The following GSG1L variants were observed in gnomAD, a reference collection of about 807,000 sequenced individuals.
The protein encoded by GSG1L is germ cell-specific gene 1-like protein.
A neutral mutation model predicts 42.1 loss-of-function variants in GSG1L; 24 were observed. The observed-to-expected ratio is 0.57, with a 90% CI of 0.41 to 0.80. The LOEUF (loss-of-function observed/expected upper bound fraction) is 0.80, where lower values mean the gene tolerates loss of function less well. Ranked by LOEUF, GSG1L falls within the 30% of genes least tolerant of loss-of-function variation. The pLI is 0.00. For missense variants in GSG1L, 445 were observed against 472.2 expected, an observed-to-expected ratio of 0.94 and a Z score of 0.53; for synonymous variants, 215 against 203.5, an observed-to-expected ratio of 1.06 and a Z score of -0.48.
intron 3 of GSG1L, among the ~76,000 whole-genome samples, chr16:27,846,268 A>G (rs1474862163): frequency 1.3e-5 from 2 of 152,100 alleles, no homozygotes; most frequent in Non-Finnish European, 2.9e-5. Flanking sequence ...TCTCCTCTTT[A>G]TTACTGCCCA....
chr16:28,007,468 ATGTG>A (rs957498216), intron 1 of GSG1L, among the ~76,000 whole-genome samples: 2 of 147,262 alleles, frequency 1.4e-5, no homozygotes, highest in African/African-American at 2.6e-5. Context: ...ATAAATGTGC[ATGTG>A]TGTGTGGTTG....
chr16:28,008,293 T>C (rs191467535), intron 1 of GSG1L, among the ~76,000 whole-genome samples: 1 of 152,350 alleles, frequency 6.6e-6, no homozygotes, highest in African/African-American at 2.4e-5. Flanking sequence ...TTGGCCAGGC[T>C]GGTCTCGAAT....
At chr16:27,889,233 T>C (rs1235755398) in intron 2 of GSG1L, among the ~76,000 whole-genome samples, 1 of 152,058 alleles carries the variant, frequency 6.6e-6, no homozygotes, top group Admixed American at 6.6e-5. Context: ...CAAGTGATCC[T>C]CCCGCCTCGG....
intron 5 of GSG1L, 21 bp downstream of exon 5, chr16:27,828,768 G>A: frequency 2.5e-6 from 4 of 1,606,938 alleles, no homozygotes; most frequent in Non-Finnish European, 3.4e-6. Flanking sequence ...GGTGGCCAGA[G>A]GTAACCCCCT....
chr16:27,891,859 T>A (rs2084130347), intron 2 of GSG1L, among the ~76,000 whole-genome samples: 1 of 148,224 alleles, frequency 6.7e-6, no homozygotes, highest in South Asian at 2.2e-4. Context: ...GATTCTGTTT[T>A]CTGCAGGTAC....
chr16:28,045,085 A>T (rs2086146544), intron 1 of GSG1L, among the ~76,000 whole-genome samples: 1 of 151,014 alleles, frequency 6.6e-6, no homozygotes, highest in Non-Finnish European at 1.5e-5. Context: ...AAGGCAGAGC[A>T]TCGGGGATTT....
At chr16:27,815,611 C>A (rs554761171) in intron 5 of GSG1L, among the ~76,000 whole-genome samples, 8 of 152,320 alleles carry the variant, frequency 5.3e-5, no homozygotes, top group Non-Finnish European at 1.0e-4. Context: ...TGGAACCGGG[C>A]ACCCCAGACG....
chr16:27,840,340 C>G (rs1296203512), intron 4 of GSG1L, among the ~76,000 whole-genome samples: 1 of 152,126 alleles, frequency 6.6e-6, no homozygotes, highest in Non-Finnish European at 1.5e-5. Context: ...CAGCCCCTCT[C>G]CCATCTTGGC....
At position 27,901,902 on chromosome 16, in the gene GSG1L, C is replaced by G. The variant is rs534723770; in HGVS notation, c.398-17264G>C. On this transcript the variant is annotated intron_variant, in intron 2 of 6. Transcript: ENST00000447459. The stretch of plus-strand genomic sequence containing the variant: ...CCCTTCCTCCAAAGCCACCTCAGGG[C>G]CTTTGCACTTGCTGTGCCCTTGGCC... Among the ~76,000 whole-genome samples the G allele has an allele frequency of 4.6e-5, 7 of 152,342 alleles. No individual in the cohort carries two copies. In the East Asian group the frequency reaches 1.4e-3, roughly 29 times the overall value.
chr16:27,810,846 C>T (rs912570056), intron 5 of GSG1L, among the ~76,000 whole-genome samples: 2 of 152,188 alleles, frequency 1.3e-5, no homozygotes, highest in African/African-American at 2.4e-5. Flanking sequence ...TGCCACCACA[C>T]CTGGCTAATT....
At chr16:27,880,615 C>G (rs1203630322) in intron 3 of GSG1L, among the ~76,000 whole-genome samples, 2 of 152,170 alleles carry the variant, frequency 1.3e-5, no homozygotes, top group Admixed American at 1.3e-4. Context: ...GGTCTCCCCA[C>G]TAGGAGGAAA....
intron 1 of GSG1L, among the ~76,000 whole-genome samples, chr16:28,009,632 C>G (rs2085689987): frequency 6.6e-6 from 1 of 152,218 alleles, no homozygotes; most frequent in Admixed American, 6.5e-5. Flanking sequence ...CCAGGCAAGG[C>G]TCACCATGGA....
intron 2 of GSG1L, among the ~76,000 whole-genome samples, chr16:27,961,440 G>A (rs1458174417): frequency 6.6e-6 from 1 of 151,656 alleles, no homozygotes; most frequent in East Asian, 1.9e-4. Flanking sequence ...AGACAGTGGA[G>A]AGGTGTGAAG....
intron 3 of GSG1L, among the ~76,000 whole-genome samples, chr16:27,882,994 CT>C (rs2083978443): frequency 1.3e-5 from 2 of 151,292 alleles, no homozygotes. Flanking sequence ...TGGGGGTTGC[CT>C]ATAATCCCAG....
chr16:27,820,765 T>C (rs1470695712), intron 5 of GSG1L, among the ~76,000 whole-genome samples: 1 of 151,622 alleles, frequency 6.6e-6, no homozygotes, highest in Non-Finnish European at 1.5e-5. Context: ...CCATCTCCTC[T>C]CTCTTAGAAG....
intron 1 of GSG1L, among the ~76,000 whole-genome samples, chr16:28,037,723 T>C (rs571601005): frequency 1.3e-5 from 2 of 152,344 alleles, no homozygotes; most frequent in South Asian, 2.1e-4. Context: ...TATTCTTCTA[T>C]CAAATTGCAA....
In GSG1L at chr16:27,791,296, C is replaced by T. The variant is rs953194653; in HGVS notation, c.*74G>A. 5 of 1,012,224 alleles carry T rather than the reference C, an allele frequency of 4.9e-6. No homozygotes were observed. The allele number at this position is 1,012,224 out of a possible 1,614,324, so 62.7% of individuals were successfully genotyped here. A position where few individuals can be genotyped will look rare whatever the true frequency, so the allele number is the denominator to read the frequency against. ...CACACAGGCCAGGGTTCTGGGGGCA[C>T]CACTCTGGTGGTCTTGCAGCAGGGG... On this transcript the variant is annotated 3_prime_UTR_variant, in exon 7 of 7. Transcript: ENST00000447459.
intron 1 of GSG1L, among the ~76,000 whole-genome samples, chr16:28,060,936 T>C (rs568550190): frequency 6.6e-6 from 1 of 152,302 alleles, no homozygotes; most frequent in South Asian, 2.1e-4. Flanking sequence ...GAAATAATTG[T>C]AGCAAGTACT....
intron 2 of GSG1L, among the ~76,000 whole-genome samples, chr16:27,913,971 A>G (rs1182733039): frequency 6.6e-6 from 1 of 150,376 alleles, no homozygotes; most frequent in Non-Finnish European, 1.5e-5. Flanking sequence ...GTAAAATTTG[A>G]GCCTATTTCC....
Sources: allele counts gnomAD v4.1 joint callset (sites outside exome capture counted in the v4.1 genomes callset), GRCh38; gene constraint gnomAD v4.1.1; transcripts MANE v1.5; gene names NCBI Gene and HGNC (gene_info 2026-07-23, HGNC 2026-07-21).